The following PTPRZ1 variants were observed in gnomAD, a reference collection of about 807,000 sequenced individuals.
PTPRZ1 encodes the protein receptor-type tyrosine-protein phosphatase zeta.
PTPRZ1 carries 82 observed loss-of-function variants against 214.1 expected under a neutral mutation model. The ratio of observed to expected loss-of-function variants is 0.38; its 90% CI spans 0.32 to 0.46. The LOEUF is 0.46. Ranked by LOEUF, PTPRZ1 falls within the 20% of genes least tolerant of loss-of-function variation. The pLI is 1.00. For synonymous variants in PTPRZ1, 945 were observed against 987.9 expected, an observed-to-expected ratio of 0.96 and a Z score of 0.81; for missense variants, 2,603 against 2,748.7, an observed-to-expected ratio of 0.95 and a Z score of 1.19.
chr7:122,051,789 G>C, intron 24 of PTPRZ1, 77 bp from the exon 25 acceptor site: 1 of 1,305,088 alleles, frequency 7.7e-7, no homozygotes, highest in Non-Finnish European at 1.1e-6. Context: ...GGGAAAAGAT[G>C]GTACAGTGCT....
intron 12 of PTPRZ1, among the ~76,000 whole-genome samples, chr7:122,015,029 G>A (rs1798804615): frequency 6.6e-6 from 1 of 152,152 alleles, no homozygotes; most frequent in Non-Finnish European, 1.5e-5. Flanking sequence ...TGTATTTTAT[G>A]CAAATTAGCT....
In PTPRZ1 at chr7:121,952,108, A is replaced by G. The variant is rs562609478; in HGVS notation, c.125-15843A>G. ...CGAGTAGCTGGGACTACAGGCGCCCACCACCATGCCTGGCTAATCTTTTGT... is the reference window on the plus strand; with the variant it reads ...CGAGTAGCTGGGACTACAGGCGCCCGCCACCATGCCTGGCTAATCTTTTGT... On this transcript the variant is annotated intron_variant, in intron 2 of 29. Coordinates refer to ENST00000393386, the MANE Select transcript of PTPRZ1 (RefSeq NM_002851.3). 7.9e-5 allele frequency among the ~76,000 whole-genome samples: 12 copies of G among 151,930 alleles called. No individual in the cohort carries two copies. The East Asian group carries it at 9.8e-4, about 12-fold the overall frequency.
chr7:122,032,728 A>G (rs980314901), intron 15 of PTPRZ1, among the ~76,000 whole-genome samples: 4 of 152,186 alleles, frequency 2.6e-5, no homozygotes, highest in African/African-American at 9.6e-5. Context: ...GAGAGGTATG[A>G]TATGTTTTTA....
intron 1 of PTPRZ1, among the ~76,000 whole-genome samples, chr7:121,887,088 A>G (rs1201949900): frequency 1.3e-5 from 2 of 151,686 alleles, no homozygotes; most frequent in South Asian, 2.1e-4. Context: ...GTCCCCTTCC[A>G]CAGGAAGGGA....
intron 2 of PTPRZ1, 89 bp from the exon 3 acceptor site, chr7:121,967,861 AT>A: frequency 1.1e-6 from 1 of 897,990 alleles, no homozygotes; most frequent in Non-Finnish European, 1.7e-6. Context: ...TATTGCATCT[AT>A]TTTTATGTAA....
rs1478116259 is a variant in PTPRZ1, at chr7:121,892,370, T to G, written c.58+18813T>G. 2.0e-5 allele frequency among the ~76,000 whole-genome samples: 3 copies of G among 152,116 alleles called. No homozygotes were observed. In the East Asian group the frequency reaches 5.8e-4, roughly 29 times the overall value. ...AAAGTTCCACCTCAAGGTCACTTCT[T>G]TTATGCCAGATTTGGCATATTTGAT... On this transcript the variant is annotated intron_variant, in intron 1 of 29. Coordinates refer to ENST00000393386, the MANE Select transcript of PTPRZ1 (RefSeq NM_002851.3).
rs1395742225 is a variant in PTPRZ1 at position 122,034,349 on chromosome 7, A to T, written c.5255A>T (p.His1752Leu). The change falls in exon 17 of 30, where the codon CAC becomes CTC. Residue 1752 changes from histidine to leucine, a missense_variant. Physicochemically the swap from His to Leu is moderately conservative, Grantham distance 99. Coordinates refer to ENST00000393386, the MANE Select transcript of PTPRZ1 (RefSeq NM_002851.3). ...AGCTCCAACCACCCAGACAACAAGC[A>T]CAAGAATCGATACATAAATATCGTT... is the stretch of plus-strand genomic sequence containing the variant. Reference protein sequence around the residue: ...ADSSNHPDNKHKNRYINIVAY... With the variant: ...ADSSNHPDNKLKNRYINIVAY... 3 of 1,613,424 alleles carry T rather than the reference A, an allele frequency of 1.9e-6. No homozygotes were observed. The highest frequency in any genetic ancestry group is 2.5e-6 in the Non-Finnish European group (3 of 1,179,584).
At chr7:121,902,971 A>G (rs1795012780) in intron 1 of PTPRZ1, among the ~76,000 whole-genome samples, 2 of 152,172 alleles carry the variant, frequency 1.3e-5, no homozygotes, top group African/African-American at 4.8e-5. Flanking sequence ...GAGAAAGAAA[A>G]AAAAAATAAA....
At chr7:121,972,957 T>C (rs1349047844) in intron 4 of PTPRZ1, among the ~76,000 whole-genome samples, 1 of 152,032 alleles carries the variant, frequency 6.6e-6, no homozygotes, top group Non-Finnish European at 1.5e-5. Context: ...AGGGGGACAA[T>C]TTCATTAACA....
chr7:122,016,370 C>T (rs1798839670), intron 12 of PTPRZ1, among the ~76,000 whole-genome samples: 1 of 151,964 alleles, frequency 6.6e-6, no homozygotes, highest in Admixed American at 6.6e-5. Context: ...ATATATACTA[C>T]TGAGCCATCT....
chr7:121,976,685 A>T, intron 5 of PTPRZ1, 100 bp from the exon 6 acceptor site: 2 of 946,918 alleles, frequency 2.1e-6, no homozygotes, highest in Non-Finnish European at 1.5e-6. Context: ...CTATTTTTTA[A>T]TGCACATATT....
rs762106967 is a variant in PTPRZ1, at chr7:122,013,876, C to T, written c.4830C>T (p.His1610=). The T allele has an allele frequency of 1.4e-5, 23 of 1,605,844 alleles. No individual in the cohort carries two copies. In the South Asian group the frequency reaches 1.8e-4, roughly 12 times the overall value. Residue 1610 remains histidine (H), a synonymous_variant, in exon 12 of 30, where the codon CAC becomes CAT. Coordinates refer to ENST00000393386, the MANE Select transcript of PTPRZ1 (RefSeq NM_002851.3). ...SVTSENSEVF[H]VSEAEASNSS... Reference sequence around the variant, plus strand: ...CTAGCGAGAACTCAGAAGTGTTCCACGTTTCAGAGGCAGGTTAGTTACGGA... The same window carrying T: ...CTAGCGAGAACTCAGAAGTGTTCCATGTTTCAGAGGCAGGTTAGTTACGGA...
chr7:121,873,728 G>T (rs1793959219), intron 1 of PTPRZ1, among the ~76,000 whole-genome samples, 171 bp downstream of exon 1: 1 of 152,044 alleles, frequency 6.6e-6, no homozygotes, highest in Non-Finnish European at 1.5e-5. Flanking sequence ...AGGCAGCTGC[G>T]TGGGATTTGC....
At chr7:121,907,109 ATAAT>A (rs1795138853) in intron 1 of PTPRZ1, among the ~76,000 whole-genome samples, 2 of 149,120 alleles carry the variant, frequency 1.3e-5, no homozygotes, top group African/African-American at 2.5e-5. Flanking sequence ...AATTTCATCA[ATAAT>A]TAATAATGTG....
At chr7:122,033,723 T>A in intron 15 of PTPRZ1, 1 of 181,610 alleles carries the variant, frequency 5.5e-6, no homozygotes, top group Non-Finnish European at 1.1e-5. Flanking sequence ...TAATTCAGAG[T>A]TTCAAATAGT....
chr7:121,961,321 A>G (rs1796870744), intron 2 of PTPRZ1, among the ~76,000 whole-genome samples: 2 of 152,196 alleles, frequency 1.3e-5, no homozygotes, highest in African/African-American at 4.8e-5. Context: ...TCATTGGACT[A>G]AGCTGGCCTG....
At chr7:121,985,065 C>T (rs1408399322) in intron 8 of PTPRZ1, among the ~76,000 whole-genome samples, 2 of 152,002 alleles carry the variant, frequency 1.3e-5, no homozygotes, top group Admixed American at 6.6e-5. Flanking sequence ...ATTAAAACAA[C>T]AAGCTTTTAT....
In PTPRZ1 at chr7:122,013,107, C is replaced by A. The variant is rs576951744; in HGVS notation, c.4061C>A (p.Thr1354Lys). Residue 1354 changes from threonine to lysine, a missense_variant, in exon 12 of 30, where the codon ACA becomes AAA. Physicochemically the swap from Thr to Lys is moderately conservative, Grantham distance 78. Around this residue, in one of 6 missense-constraint regions of PTPRZ1, gnomAD observed 1,913 missense variants for 1,914.3 expected, o/e 1.00. Coordinates refer to ENST00000393386, the MANE Select transcript of PTPRZ1 (RefSeq NM_002851.3). ...VTGKVFAGIP[T>K]VASDTFVSTD... ...GGTAAGGTATTTGCTGGTATTCCAA[C>A]AGTTGCTTCTGATACATTTGTATCT... 3 of 1,613,946 alleles carry A rather than the reference C, an allele frequency of 1.9e-6. No homozygotes were observed. In the South Asian group the frequency reaches 3.3e-5, roughly 18 times the overall value.
At chr7:121,979,654 A>T (rs1383852259) in intron 6 of PTPRZ1, among the ~76,000 whole-genome samples, 6 of 152,034 alleles carry the variant, frequency 3.9e-5, no homozygotes, top group African/African-American at 1.5e-4. Context: ...TCATGGACGG[A>T]TCTGATTAGT....
Sources: allele counts gnomAD v4.1 joint callset (sites outside exome capture counted in the v4.1 genomes callset), GRCh38; gene constraint gnomAD v4.1.1; regional missense constraint gnomAD v4.1.1; transcripts MANE v1.5; gene names NCBI Gene and HGNC (gene_info 2026-07-23, HGNC 2026-07-21).